The following ADAMTSL1 variants were observed in gnomAD, a reference collection of about 807,000 sequenced individuals.
The protein encoded by ADAMTSL1 is ADAMTS like 1.
ADAMTSL1 carries 126 observed loss-of-function variants against 201.8 expected under a neutral mutation model. The observed-to-expected ratio is 0.62, with a 90% CI of 0.54 to 0.72. The LOEUF (loss-of-function observed/expected upper bound fraction) is 0.72. Among genes scored for constraint, ADAMTSL1 ranks in the 30% least tolerant of loss-of-function variants. ADAMTSL1 has a pLI of 0.00. For missense variants in ADAMTSL1, 2,679 were observed against 2,277.8 expected (o/e 1.18, Z -3.59); for synonymous variants, 1,121 against 903.4 (o/e 1.24, Z -4.32).
chr9:18,837,282 T>A (rs1825370720), intron 23 of ADAMTSL1, among the ~76,000 whole-genome samples: 1 of 152,252 alleles, frequency 6.6e-6, no homozygotes. Flanking sequence ...GTATATGATA[T>A]AAGCTATATA....
intron 2 of ADAMTSL1, among the ~76,000 whole-genome samples, chr9:18,429,809 A>C (rs1819401824): frequency 6.6e-6 from 1 of 151,890 alleles, no homozygotes; most frequent in South Asian, 2.1e-4. Context: ...TGTTTTTTTG[A>C]GATGGAGTCT....
At chr9:18,436,105 G>T (rs972204045) in intron 2 of ADAMTSL1, among the ~76,000 whole-genome samples, 6 of 152,208 alleles carry the variant, frequency 3.9e-5, no homozygotes, top group African/African-American at 1.4e-4. Context: ...AATAGAATTG[G>T]GGGCACCCTG....
chr9:18,481,317 G>T (rs1245538515), intron 1 of ADAMTSL1, among the ~76,000 whole-genome samples: 1 of 152,032 alleles, frequency 6.6e-6, no homozygotes, highest in Non-Finnish European at 1.5e-5. Flanking sequence ...GGCCGAGGAG[G>T]GTGGATCACC....
intron 23 of ADAMTSL1, among the ~76,000 whole-genome samples, chr9:18,852,869 C>A (rs1436126322): frequency 2.0e-5 from 3 of 152,090 alleles, no homozygotes; most frequent in Non-Finnish European, 4.4e-5. Flanking sequence ...CTAGTTGTTG[C>A]CTTATTCCTA....
intron 4 of ADAMTSL1, among the ~76,000 whole-genome samples, chr9:18,594,153 T>C (rs903165704): frequency 6.7e-6 from 1 of 149,142 alleles, no homozygotes; most frequent in Non-Finnish European, 1.5e-5. Context: ...TTTGTTGACA[T>C]TTTTTTTTCC....
At chr9:18,608,233 A>C (rs563179707) in intron 4 of ADAMTSL1, among the ~76,000 whole-genome samples, 26 of 152,320 alleles carry the variant, frequency 1.7e-4, no homozygotes, top group African/African-American at 6.0e-4. Flanking sequence ...CTTTTTAACT[A>C]GTTTGGGACA....
chr9:18,642,445 T>G (rs762326967), intron 7 of ADAMTSL1, among the ~76,000 whole-genome samples: 21 of 152,046 alleles, frequency 1.4e-4, no homozygotes, highest in Non-Finnish European at 2.8e-4. Context: ...TGAGAACACT[T>G]AAAATCTATC....
At chr9:18,546,773 C>T (rs79618073) in intron 3 of ADAMTSL1, among the ~76,000 whole-genome samples, 1,861 of 152,174 alleles carry the variant, frequency 0.012, 43 homozygotes, top group African/African-American at 0.043. Flanking sequence ...TATTTGACTT[C>T]GTGACTGGGC....
intron 2 of ADAMTSL1, among the ~76,000 whole-genome samples, chr9:18,273,992 G>A (rs1239427064): frequency 6.6e-6 from 1 of 152,174 alleles, no homozygotes; most frequent in Non-Finnish European, 1.5e-5. Context: ...TGTCCTGTGT[G>A]CATACATACA....
At chr9:18,167,875 G>A (rs186122030) in intron 2 of ADAMTSL1, among the ~76,000 whole-genome samples, 92 of 152,040 alleles carry the variant, frequency 6.1e-4, no homozygotes, top group African/African-American at 2.1e-3. Context: ...AAATATGTCA[G>A]GAACATTTGA....
intron 1 of ADAMTSL1, among the ~76,000 whole-genome samples, chr9:17,926,189 T>C (rs1293653570): frequency 1.3e-5 from 2 of 152,204 alleles, no homozygotes; most frequent in Non-Finnish European, 2.9e-5. Context: ...ACTATTGTGA[T>C]GTTTCTTTCA....
chr9:17,977,880 T>C (rs927992404), intron 1 of ADAMTSL1, among the ~76,000 whole-genome samples: 1 of 152,068 alleles, frequency 6.6e-6, no homozygotes, highest in Non-Finnish European at 1.5e-5. Flanking sequence ...TGTTTCCTTG[T>C]TGATTTTCTG....
intron 1 of ADAMTSL1, among the ~76,000 whole-genome samples, chr9:17,926,466 C>T (rs1433460674): frequency 2.0e-5 from 3 of 152,226 alleles, no homozygotes; most frequent in South Asian, 2.1e-4. Context: ...TCCATGCTGA[C>T]GGCAGCTCCA....
intron 4 of ADAMTSL1, among the ~76,000 whole-genome samples, chr9:18,585,447 C>G (rs13297223): frequency 0.058 from 8,846 of 151,874 alleles, 333 homozygotes; most frequent in Non-Finnish European, 0.086. Context: ...ATACTCATGC[C>G]CATCATTATG....
At chr9:18,130,770 C>G (rs1825918473) in intron 1 of ADAMTSL1, among the ~76,000 whole-genome samples, 2 of 152,118 alleles carry the variant, frequency 1.3e-5, no homozygotes, top group African/African-American at 2.4e-5. Context: ...GTTGCCTCCT[C>G]CAACTCCCTT....
At chr9:18,625,676 T>C (rs1490749790) in intron 5 of ADAMTSL1, among the ~76,000 whole-genome samples, 2 of 152,226 alleles carry the variant, frequency 1.3e-5, no homozygotes, top group African/African-American at 2.4e-5. Context: ...TATTGACTTA[T>C]ACTATGTTCT....
chr9:18,372,352 G>T (rs184775494), intron 2 of ADAMTSL1, among the ~76,000 whole-genome samples: 7 of 152,252 alleles, frequency 4.6e-5, no homozygotes, highest in Admixed American at 1.3e-4. Context: ...CCGTGACTGG[G>T]ATTCTTTTGG....
chr9:18,422,977 C>G (rs1327606633), intron 2 of ADAMTSL1, among the ~76,000 whole-genome samples: 2 of 152,232 alleles, frequency 1.3e-5, no homozygotes, highest in Non-Finnish European at 2.9e-5. Flanking sequence ...GAAGATCCCA[C>G]TTGCTTTCCA....
At chr9:18,258,637 T>G (rs1831790948) in intron 2 of ADAMTSL1, among the ~76,000 whole-genome samples, 1 of 152,184 alleles carries the variant, frequency 6.6e-6, no homozygotes, top group Non-Finnish European at 1.5e-5. Context: ...AGGACCCTCA[T>G]GGCACCAGGA....
Sources: gnomAD v4.1 joint callset for allele counts (sites outside exome capture counted in the v4.1 genomes callset) on GRCh38, gnomAD v4.1.1 for gene constraint, MANE v1.5 for transcripts, NCBI Gene and HGNC (gene_info 2026-07-23, HGNC 2026-07-21) for gene names.